DCC: variants seen among roughly 807,000 people sequenced by gnomAD.
The protein encoded by DCC is netrin receptor DCC.
DCC carries 58 observed loss-of-function variants against 172.5 expected under a neutral mutation model. The ratio of observed to expected loss-of-function variants is 0.34; its 90% CI spans 0.27 to 0.42. The LOEUF (loss-of-function observed/expected upper bound fraction) is 0.42, where lower values mean the gene tolerates loss of function less well. DCC is among the 10% of genes least tolerant of loss of function. DCC has a pLI of 1.00. For missense variants in DCC, 1,740 were observed against 1,791.0 expected, an observed-to-expected ratio of 0.97 and a Z score of 0.51; for synonymous variants, 709 against 644.5, an observed-to-expected ratio of 1.10 and a Z score of -1.52.
At chr18:53,135,432 G>A (rs1018583996) in intron 7 of DCC, among the ~76,000 whole-genome samples, 1 of 152,142 alleles carries the variant, frequency 6.6e-6, no homozygotes, top group Non-Finnish European at 1.5e-5. Context: ...TTTTATGCAG[G>A]AAAGGCAATA....
At chr18:53,172,527 C>T (rs1337945366) in intron 8 of DCC, among the ~76,000 whole-genome samples, 2 of 152,152 alleles carry the variant, frequency 1.3e-5, no homozygotes, top group East Asian at 1.9e-4. Context: ...TTATGGCCAG[C>T]GTGACTTGGA....
Position 52,487,327 on chromosome 18 carries a change from A to T in DCC, c.91+146449A>T, listed in dbSNP as rs766974520. On this transcript the variant is annotated intron_variant, in intron 1 of 28. Coordinates refer to ENST00000442544, the MANE Select transcript of DCC (RefSeq NM_005215.4). ...GTTGAAAATTAAGCAATGAGTTAGG[A>T]GGCTGTTAAACTGAACTCTGGTCTT... 4.7e-4 allele frequency among the ~76,000 whole-genome samples: 72 copies of T among 152,148 alleles called. 1 individual carries two copies. The highest frequency in any genetic ancestry group is 1.2e-4 in the Non-Finnish European group (8 of 68,006).
At chr18:53,473,597 C>A (rs899330094) in intron 25 of DCC, among the ~76,000 whole-genome samples, 1 of 152,018 alleles carries the variant, frequency 6.6e-6, no homozygotes, top group Non-Finnish European at 1.5e-5. Flanking sequence ...TTGGTAAATA[C>A]CTTGCTAATT....
At chr18:53,141,533 C>T (rs1259681167) in intron 7 of DCC, among the ~76,000 whole-genome samples, 3 of 152,154 alleles carry the variant, frequency 2.0e-5, no homozygotes, top group Non-Finnish European at 2.9e-5. Context: ...GGAAGTTCAT[C>T]CTAGGTTTTA....
intron 5 of DCC, among the ~76,000 whole-genome samples, chr18:52,927,179 GTA>G (rs368209340): frequency 5.1e-4 from 31 of 61,182 alleles, no homozygotes; most frequent in East Asian, 2.0e-3. Context: ...GTATATATGT[GTA>G]TATATACGTA....
Position 53,451,703 on chromosome 18 carries a change from C to T in DCC, c.3392+1041C>T, listed in dbSNP as rs535886898. 9.2e-4 allele frequency among the ~76,000 whole-genome samples: 128 copies of T among 139,214 alleles called. 2 individuals carry two copies. The South Asian group carries it at 0.017, about 19-fold the overall frequency. The allele number at this position is 139,214 out of a possible 152,430, so 91.3% of individuals were successfully genotyped here. On this transcript the variant is annotated intron_variant, in intron 23 of 28. Coordinates refer to ENST00000442544, the MANE Select transcript of DCC (RefSeq NM_005215.4). ...GTTCCCCCTTCTGTTGCTAATAGCT[C>T]GCTCTTGCTCTCTCTCTCTCTCTCT...
At chr18:53,091,635 C>G (rs1231056248) in intron 7 of DCC, among the ~76,000 whole-genome samples, 1 of 151,290 alleles carries the variant, frequency 6.6e-6, no homozygotes, top group Non-Finnish European at 1.5e-5. Context: ...AGAGATAATT[C>G]CCTGGGATCT....
chr18:52,901,460 A>G (rs530098725), intron 2 of DCC, among the ~76,000 whole-genome samples: 2 of 151,266 alleles, frequency 1.3e-5, no homozygotes, highest in East Asian at 3.9e-4. Flanking sequence ...AATAAATAAA[A>G]ATAACAATCA....
rs2046535667 is a variant in DCC at position 53,532,691 on chromosome 18, A to G, written c.*2038A>G. 6.6e-6 allele frequency: 1 copy of G among 152,168 alleles called. No individual in the cohort carries two copies. The allele number at this position is 152,168 out of a possible 1,614,324, so 9.4% of individuals were successfully genotyped here. A position where few individuals can be genotyped will look rare whatever the true frequency, so the allele number is the denominator to read the frequency against. On this transcript the variant is annotated 3_prime_UTR_variant, in exon 29 of 29. Transcript: ENST00000442544. ...CCTCCCCTTTCTAATTCTAGCAAAC[A>G]TGGAACATTCTCCTTAGGCACTTGA...
At chr18:53,355,065 G>T (rs2057862374) in intron 15 of DCC, among the ~76,000 whole-genome samples, 1 of 152,062 alleles carries the variant, frequency 6.6e-6, no homozygotes, top group South Asian at 2.1e-4. Context: ...TGTCAGGTTT[G>T]TCTAAGATCA....
chr18:52,694,977 G>T (rs1344144796), intron 1 of DCC, among the ~76,000 whole-genome samples: 1 of 152,170 alleles, frequency 6.6e-6, no homozygotes, highest in Admixed American at 6.6e-5. Flanking sequence ...GACACCTTCT[G>T]GGGGAATCAA....
chr18:53,452,325 C>T (rs897915759), intron 23 of DCC, among the ~76,000 whole-genome samples: 5 of 152,224 alleles, frequency 3.3e-5, no homozygotes, highest in Non-Finnish European at 7.3e-5. Flanking sequence ...GAAGCATTCA[C>T]TAAACTAGCC....
At chr18:53,353,336 A>G (rs1041802720) in intron 15 of DCC, among the ~76,000 whole-genome samples, 3 of 152,122 alleles carry the variant, frequency 2.0e-5, no homozygotes, top group Non-Finnish European at 4.4e-5. Flanking sequence ...TTTTTAAAAA[A>G]ACTATAAAAC....
intron 1 of DCC, among the ~76,000 whole-genome samples, chr18:52,536,771 G>A (rs1018876765): frequency 2.0e-5 from 3 of 152,076 alleles, no homozygotes; most frequent in Admixed American, 6.6e-5. Flanking sequence ...TATTGAAATT[G>A]CTCTTATTTG....
chr18:52,654,420 C>G (rs2035204865), intron 1 of DCC, among the ~76,000 whole-genome samples: 1 of 152,090 alleles, frequency 6.6e-6, no homozygotes, highest in Admixed American at 6.6e-5. Context: ...ATAACAATAC[C>G]ACAGATTGGG....
intron 28 of DCC, among the ~76,000 whole-genome samples, chr18:53,527,567 A>C (rs138567658): frequency 6.6e-6 from 1 of 152,060 alleles, no homozygotes; most frequent in Non-Finnish European, 1.5e-5. Flanking sequence ...AAATGACGTA[A>C]TTAAAAAATA....
At chr18:53,259,499 G>A (rs1314752682) in intron 12 of DCC, among the ~76,000 whole-genome samples, 6 of 152,120 alleles carry the variant, frequency 3.9e-5, no homozygotes, top group Non-Finnish European at 8.8e-5. Context: ...TGAAATTCTG[G>A]GTTGAAAATT....
chr18:53,456,334 A>G (rs937726731), intron 23 of DCC, among the ~76,000 whole-genome samples: 6 of 152,204 alleles, frequency 3.9e-5, no homozygotes, highest in African/African-American at 1.2e-4. Context: ...TCTGAGAAGG[A>G]GAAAACAGAG....
At chr18:52,624,795 A>G (rs1279547322) in intron 1 of DCC, among the ~76,000 whole-genome samples, 1 of 152,152 alleles carries the variant, frequency 6.6e-6, no homozygotes, top group African/African-American at 2.4e-5. Context: ...TTTCCATCTC[A>G]TTAAGGAGGC....
Sources: gnomAD v4.1 joint callset for allele counts (sites outside exome capture counted in the v4.1 genomes callset) on GRCh38, gnomAD v4.1.1 for gene constraint, MANE v1.5 for transcripts, NCBI Gene and HGNC (gene_info 2026-07-23, HGNC 2026-07-21) for gene names.